STK32C: variants seen among roughly 807,000 people sequenced by gnomAD.
STK32C encodes serine/threonine kinase 32C, also known as serine/threonine-protein kinase 32C.
In STK32C, 31 loss-of-function variants were observed where a neutral mutation model predicts 56.5. The ratio of observed to expected loss-of-function variants is 0.55; its 90% confidence interval spans 0.41 to 0.74. The LOEUF (loss-of-function observed/expected upper bound fraction) is 0.74. Among genes scored for constraint, STK32C ranks in the 30% least tolerant of loss-of-function variants. The pLI is 0.00. For synonymous variants in STK32C, 309 were observed against 289.4 expected, an observed-to-expected ratio of 1.07 and a Z score of -0.69; for missense variants, 544 against 676.9, an observed-to-expected ratio of 0.80 and a Z score of 2.18.
At chr10:132,246,004 A>G (rs929219596) in intron 1 of STK32C, 49 bp from the exon 2 acceptor site, 1 of 1,571,386 alleles carries the variant, frequency 6.4e-7, no homozygotes, top group African/African-American at 1.3e-5. Flanking sequence ...GCAAGGCCCC[A>G]CCCCAGAGCA....
At chr10:132,292,169 C>T (rs2065585524) in intron 1 of STK32C, among the ~76,000 whole-genome samples, 1 of 152,150 alleles carries the variant, frequency 6.6e-6, no homozygotes, top group Non-Finnish European at 1.5e-5. Context: ...GGCAGACTGC[C>T]ACCCTGGACA....
intron 2 of STK32C, among the ~76,000 whole-genome samples, chr10:132,229,161 C>A (rs147749203): frequency 2.6e-4 from 39 of 152,342 alleles, no homozygotes; most frequent in African/African-American, 8.9e-4. Context: ...GCAGAGCTAA[C>A]CCCTGTCTGA....
chr10:132,315,937 A>T (rs1316708702), intron 1 of STK32C, among the ~76,000 whole-genome samples: 1 of 152,250 alleles, frequency 6.6e-6, no homozygotes, highest in African/African-American at 2.4e-5. Context: ...ATTAAACAAT[A>T]ATCCATTATC....
intron 1 of STK32C, among the ~76,000 whole-genome samples, chr10:132,280,977 A>G (rs1299552574): frequency 2.1e-5 from 2 of 97,256 alleles, no homozygotes; most frequent in African/African-American, 4.1e-5. Flanking sequence ...CCTCCATTCC[A>G]TGATCACGCC....
intron 1 of STK32C, among the ~76,000 whole-genome samples, chr10:132,280,551 C>T (rs2065154864): frequency 7.1e-6 from 1 of 140,726 alleles, no homozygotes; most frequent in Non-Finnish European, 1.6e-5. Flanking sequence ...ACACCGTGAC[C>T]ACGCCCCTGC....
chr10:132,213,267 C>A lies in STK32C; in HGVS notation c.1252-4166G>T, dbSNP rs115359502. Reference sequence around the variant, plus strand: ...TAAGGGGAGGGGAAAAGCAGATCAACAACTGTGAAGGGGCACAGGCCCCCA... The same window carrying A: ...TAAGGGGAGGGGAAAAGCAGATCAAAAACTGTGAAGGGGCACAGGCCCCCA... On this transcript the variant is annotated intron_variant, in intron 10 of 11. Transcript: ENST00000298630. 2.0e-3 allele frequency among the ~76,000 whole-genome samples: 303 copies of A among 152,328 alleles called. 2 individuals are homozygous for A. The highest frequency in any genetic ancestry group is 6.7e-3 in the African/African-American group (278 of 41,574).
Position 132,225,350 on chromosome 10 carries a change from A to G in STK32C, c.773-14T>C, listed in dbSNP as rs2062850006. Reference sequence around the variant, plus strand: ...AGATCTCCGGAGCTTTCCGACAGAAAGAAGGAAAAACAGCTGCCACGGGGT... The same window carrying G: ...AGATCTCCGGAGCTTTCCGACAGAAGGAAGGAAAAACAGCTGCCACGGGGT... On this transcript the variant is annotated splice_polypyrimidine_tract_variant and intron_variant, in intron 6 of 11. Coordinates refer to ENST00000298630, the MANE Select transcript of STK32C (RefSeq NM_173575.4). 1.2e-6 allele frequency: 2 copies of G among 1,603,134 alleles called. No homozygotes were observed. The highest frequency in any genetic ancestry group is 1.1e-5 in the South Asian group (1 of 89,816).
intron 1 of STK32C, among the ~76,000 whole-genome samples, chr10:132,293,630 G>C (rs947762745): frequency 6.6e-6 from 1 of 152,238 alleles, no homozygotes; most frequent in Non-Finnish European, 1.5e-5. Flanking sequence ...CTTTTAAGAA[G>C]CAGCAGTCAG....
chr10:132,279,679 G>GTGATCACGACACTCCACTCCA (rs1394283570), intron 1 of STK32C, among the ~76,000 whole-genome samples: 2 of 147,492 alleles, frequency 1.4e-5, no homozygotes, highest in African/African-American at 2.5e-5. Flanking sequence ...ACTGCACTCC[G>GTGATCACGACACTCCACTCCA]TGATCACGAC....
upstream of STK32C, among the ~76,000 whole-genome samples, chr10:132,308,216 G>C (rs1327533197): frequency 1.3e-5 from 2 of 152,116 alleles, no homozygotes; most frequent in African/African-American, 2.4e-5. Context: ...GCCGGGACAC[G>C]GGGACCACGG....
intron 1 of STK32C, among the ~76,000 whole-genome samples, chr10:132,265,172 G>C (rs991961580): frequency 1.5e-5 from 2 of 134,142 alleles, no homozygotes; most frequent in East Asian, 3.9e-4. Flanking sequence ...AGGGCGGCGA[G>C]GTGGCTCTGG....
Position 132,330,518 on chromosome 10 carries a change from CT to C in STK32C, c.301+917del, listed in dbSNP as rs71694648. The C allele has an allele frequency of 9.2e-5, 64 of 697,950 alleles. 1 individual carries two copies. The highest frequency in any genetic ancestry group is 2.3e-4 in the Middle Eastern group (1 of 4,320). 43.2% of individuals were successfully genotyped at this position (697,950 alleles called of 1,614,324 possible). On this transcript the variant is annotated intron_variant, in intron 1 of 1. Transcript: ENST00000368619. The stretch of plus-strand genomic sequence containing the variant: ...GTAGATAGTTGGGTATGTACGAAAA[CT>C]TTTTTTTTGAGACAGGGTCTCGCTG...
intron 1 of STK32C, among the ~76,000 whole-genome samples, chr10:132,325,788 C>G (rs2066487785): frequency 6.7e-6 from 1 of 148,474 alleles, no homozygotes; most frequent in African/African-American, 2.5e-5. Context: ...GTGGCGCGAT[C>G]TCGGCTCACT....
intron 7 of STK32C, among the ~76,000 whole-genome samples, chr10:132,224,991 C>A (rs113939928): frequency 3.9e-5 from 6 of 152,372 alleles, no homozygotes; most frequent in Middle Eastern, 3.4e-3. Flanking sequence ...TGTCCACCCC[C>A]ACAGAGGCTG....
rs770056507 is a variant in STK32C at position 132,226,883 on chromosome 10, C to T, written c.556G>A (p.Val186Met). The change falls in exon 4 of 12, where the codon GTG becomes ATG. Residue 186 changes from valine (V) to methionine (M), a missense_variant. By Grantham distance (21) the Val-to-Met change is conservative. Coordinates refer to ENST00000298630, the MANE Select transcript of STK32C (RefSeq NM_173575.4). ...GDLRYHLQQN[V>M]QFSEDTVRLY... ...CTCACCGTGTCCTCGGAGAACTGCA[C>T]GTTCTGCTGCAGGTGGTAGCGCAGG... 20 of 1,613,364 alleles carry T rather than the reference C, an allele frequency of 1.2e-5. No homozygotes were observed. The highest frequency in any genetic ancestry group is 3.3e-5 in the Admixed American group (2 of 60,012).
chr10:132,261,898 C>A (rs953544408), intron 1 of STK32C, among the ~76,000 whole-genome samples: 3 of 152,182 alleles, frequency 2.0e-5, no homozygotes, highest in Admixed American at 1.3e-4. Context: ...CAATGCTCCT[C>A]CTATCAAACT....
At chr10:132,299,873 C>A (rs955275212) in intron 1 of STK32C, among the ~76,000 whole-genome samples, 1 of 152,226 alleles carries the variant, frequency 6.6e-6, no homozygotes, top group East Asian at 1.9e-4. Flanking sequence ...TTTCCCACAG[C>A]GAACAGAGGC....
chr10:132,234,767 TG>T (rs1323357592), intron 2 of STK32C, among the ~76,000 whole-genome samples: 1 of 152,068 alleles, frequency 6.6e-6, no homozygotes, highest in Non-Finnish European at 1.5e-5. Context: ...GGGGGGGCCT[TG>T]GGGGTTGGAG....
chr10:132,321,045 G>A (rs999354944), downstream of STK32C, among the ~76,000 whole-genome samples: 2 of 152,230 alleles, frequency 1.3e-5, no homozygotes, highest in East Asian at 3.8e-4. Context: ...CCAATGGGGT[G>A]TCAGGTGGGA....
Sources: gnomAD v4.1 joint callset for allele counts (sites outside exome capture counted in the v4.1 genomes callset) on GRCh38, gnomAD v4.1.1 for gene constraint, MANE v1.5 for transcripts, NCBI Gene and HGNC (gene_info 2026-07-23, HGNC 2026-07-21) for gene names.